The following FBXW11 variants were observed in gnomAD, a reference collection of about 807,000 sequenced individuals.
The protein encoded by FBXW11 is F-box/WD repeat-containing protein 11.
A neutral mutation model predicts 77.6 loss-of-function variants in FBXW11; 19 were observed. The observed-to-expected ratio is 0.24, with a 90% CI of 0.17 to 0.36. The LOEUF (loss-of-function observed/expected upper bound fraction) is 0.36. FBXW11 is among the 10% of genes least tolerant of loss of function. The pLI is 1.00. For synonymous variants in FBXW11, 235 were observed against 249.4 expected, an observed-to-expected ratio of 0.94 and a Z score of 0.54; for missense variants, 334 against 704.2, an observed-to-expected ratio of 0.47 and a Z score of 5.95.
At chr5:171,881,084 C>T (rs893590199) in intron 7 of FBXW11, among the ~76,000 whole-genome samples, 2 of 152,138 alleles carry the variant, frequency 1.3e-5, no homozygotes, top group South Asian at 2.1e-4. Flanking sequence ...ACCTTGTATC[C>T]GGCAAACTTG....
At chr5:171,868,492 T>G (rs1466326579) in intron 13 of FBXW11, 118 bp downstream of exon 13, 47 of 750,624 alleles carry the variant, frequency 6.3e-5, no homozygotes, top group Non-Finnish European at 1.1e-5. Context: ...CTGCAAAAGT[T>G]GACACGTCTA....
At chr5:171,931,970 G>A (rs1339603342) in intron 2 of FBXW11, among the ~76,000 whole-genome samples, 1 of 150,812 alleles carries the variant, frequency 6.6e-6, no homozygotes, top group Non-Finnish European at 1.5e-5. Flanking sequence ...AACCTCCCAG[G>A]CTCAAGTGAT....
At chr5:171,932,530 A>G (rs1264940093) in intron 2 of FBXW11, among the ~76,000 whole-genome samples, 1 of 152,166 alleles carries the variant, frequency 6.6e-6, no homozygotes, top group Non-Finnish European at 1.5e-5. Flanking sequence ...CATGTATATA[A>G]TGTGTAGTGA....
chr5:171,904,564 G>GT lies in FBXW11; in HGVS notation c.437-4465dup, dbSNP rs920300975. On this transcript the variant is annotated intron_variant, in intron 4 of 13. Coordinates refer to ENST00000517395, the MANE Select transcript of FBXW11 (RefSeq NM_001378974.1). This position sits in a 1 kb window ranked among gnomAD's most constrained non-coding sequence, Gnocchi z 4.0. Reference sequence around the variant, plus strand: ...GGTAAGGCCCAGGAATCTGGGTGTGGTTTTTTTGTTGTTGTTGTTGTTTTT... The same window carrying GT: ...GGTAAGGCCCAGGAATCTGGGTGTGGTTTTTTTTGTTGTTGTTGTTGTTTTT... Among the ~76,000 whole-genome samples, 4 of 152,038 alleles carry GT rather than the reference G, an allele frequency of 2.6e-5. No individual in the cohort carries two copies. The highest frequency in any genetic ancestry group is 7.2e-5 in the African/African-American group (3 of 41,498).
chr5:171,997,170 T>C, intron 1 of FBXW11: 1 of 801,694 alleles, frequency 1.2e-6, no homozygotes, highest in Non-Finnish European at 1.8e-6. Flanking sequence ...GGAAAAAAGT[T>C]ATAACCCCTG....
rs993420086 is a variant in FBXW11 at position 172,006,589 on chromosome 5, G to A, written c.-87C>T. 1 of 1,401,082 alleles carries A rather than the reference G, an allele frequency of 7.1e-7. No homozygotes were observed. The highest frequency in any genetic ancestry group is 1.6e-5 in the South Asian group (1 of 64,044). 86.8% of individuals were successfully genotyped at this position (1,401,082 alleles called of 1,614,324 possible). A position where few individuals can be genotyped will look rare whatever the true frequency, so the allele number is the denominator to read the frequency against. On this transcript the variant is annotated 5_prime_UTR_variant, in exon 1 of 14. Coordinates refer to ENST00000517395, the MANE Select transcript of FBXW11 (RefSeq NM_001378974.1). ...GGCGACGGCGGAGGCGGCAGAGGCG[G>A]AGGCGGCTATCGCACCCACTCTAGC... is the stretch of plus-strand genomic sequence containing the variant.
At chr5:171,925,684 T>C (rs1236134128) in intron 2 of FBXW11, among the ~76,000 whole-genome samples, 1 of 152,158 alleles carries the variant, frequency 6.6e-6, no homozygotes, top group Non-Finnish European at 1.5e-5. Context: ...AAGATCTCAG[T>C]ATGTTGCCCA....
chr5:171,899,595 CT>C (rs1377377299), intron 5 of FBXW11, among the ~76,000 whole-genome samples: 1 of 152,176 alleles, frequency 6.6e-6, no homozygotes, highest in Non-Finnish European at 1.5e-5. Flanking sequence ...CACTATCTGA[CT>C]TTCTCATATT....
chr5:171,945,690 A>C (rs1471502289), intron 2 of FBXW11, among the ~76,000 whole-genome samples: 1 of 152,154 alleles, frequency 6.6e-6, no homozygotes, highest in South Asian at 2.1e-4. Flanking sequence ...GCAAGTAGAA[A>C]CGTATCACAT....
At chr5:171,918,835 C>T (rs557289873) in intron 2 of FBXW11, among the ~76,000 whole-genome samples, 4 of 152,210 alleles carry the variant, frequency 2.6e-5, no homozygotes, top group Non-Finnish European at 5.9e-5. Context: ...ACCCTCTGAA[C>T]TGTGAGAATC....
At chr5:171,897,398 TG>T (rs1472539209) in intron 6 of FBXW11, among the ~76,000 whole-genome samples, 3 of 152,180 alleles carry the variant, frequency 2.0e-5, no homozygotes, top group Admixed American at 6.6e-5. Context: ...TAAGAACCAC[TG>T]GGTAGACCAC....
intron 1 of FBXW11, among the ~76,000 whole-genome samples, chr5:171,969,000 T>G (rs1764376750): frequency 6.6e-6 from 1 of 152,194 alleles, no homozygotes; most frequent in Non-Finnish European, 1.5e-5. Flanking sequence ...CCGGGCGTGG[T>G]GGCTCATGCC....
intron 2 of FBXW11, among the ~76,000 whole-genome samples, chr5:171,931,733 C>T (rs1314838652): frequency 6.6e-6 from 1 of 152,032 alleles, no homozygotes; most frequent in African/African-American, 2.4e-5. Context: ...ATGCCACAAA[C>T]TCAGAGAAAA....
At position 171,893,421 on chromosome 5, in the gene FBXW11, C is replaced by CAAAAAAAAAAAAAAAAAAAAAAAAA. The variant is rs397999920; in HGVS notation, c.715-1842_715-1818dup. The stretch of plus-strand genomic sequence containing the variant: ...GACATACAAAAGCACACTTCAAAAC[C>CAAAAAAAAAAAAAAAAAAAAAAAAA]AAAAAAAAAAAAAAAAAAAAAAAAA... On this transcript the variant is annotated intron_variant, in intron 6 of 13. Coordinates refer to ENST00000517395, the MANE Select transcript of FBXW11 (RefSeq NM_001378974.1). 1.2e-3 allele frequency among the ~76,000 whole-genome samples: 48 copies of CAAAAAAAAAAAAAAAAAAAAAAAAA among 39,840 alleles called. 13 individuals are homozygous for CAAAAAAAAAAAAAAAAAAAAAAAAA. Among genetic ancestry groups the CAAAAAAAAAAAAAAAAAAAAAAAAA allele is most frequent in the Non-Finnish European group, 1.6e-3 (35 of 22,466 alleles). The allele number at this position is 39,840 out of a possible 152,430, so 26.1% of individuals were successfully genotyped here. A position where few individuals can be genotyped will look rare whatever the true frequency, so the allele number is the denominator to read the frequency against.
intron 2 of FBXW11, among the ~76,000 whole-genome samples, chr5:171,937,584 C>T (rs969613278): frequency 2.0e-5 from 3 of 151,898 alleles, no homozygotes; most frequent in Non-Finnish European, 4.4e-5. Flanking sequence ...ACCTGTAATC[C>T]CAGCATTTTG....
chr5:171,902,145 G>T (rs190797578), intron 4 of FBXW11, among the ~76,000 whole-genome samples: 2 of 152,084 alleles, frequency 1.3e-5, no homozygotes, highest in African/African-American at 4.8e-5. Context: ...TGTCCTCGGA[G>T]GTATTTGGAA....
chr5:171,959,857 A>AAAAGAAAAGAAAAG (rs60835432), intron 1 of FBXW11, among the ~76,000 whole-genome samples: 3 of 130,910 alleles, frequency 2.3e-5, no homozygotes, highest in African/African-American at 8.6e-5. Context: ...CAAAAAAAAA[A>AAAAGAAAAGAAAAG]AAAAGAAAAG....
chr5:171,978,240 C>T (rs982625983), intron 1 of FBXW11, among the ~76,000 whole-genome samples: 4 of 152,136 alleles, frequency 2.6e-5, no homozygotes, highest in Non-Finnish European at 5.9e-5. Flanking sequence ...AGACAAGACT[C>T]AGGAGGAAAA....
intron 1 of FBXW11, among the ~76,000 whole-genome samples, chr5:171,971,360 G>A (rs1764519221): frequency 6.6e-6 from 1 of 152,162 alleles, no homozygotes; most frequent in Admixed American, 6.5e-5. Flanking sequence ...ATAAACTACT[G>A]CAGAAACAGA....
Sources: gnomAD v4.1 joint callset for allele counts (sites outside exome capture counted in the v4.1 genomes callset) on GRCh38, gnomAD v4.1.1 for gene constraint, Gnocchi (gnomAD v3.1) non-coding constraint, MANE v1.5 for transcripts, NCBI Gene and HGNC (gene_info 2026-07-23, HGNC 2026-07-21) for gene names.